The following BBS9 variants were observed in gnomAD, a reference collection of about 807,000 sequenced individuals.
BBS9 encodes protein PTHB1.
Under a neutral mutation model 117.7 loss-of-function variants are expected in BBS9, and 89 were observed. The ratio of observed to expected loss-of-function variants is 0.76; its 90% CI spans 0.64 to 0.90. The LOEUF (loss-of-function observed/expected upper bound fraction) is 0.90, where lower values mean the gene tolerates loss of function less well. BBS9 is among the 40% of genes least tolerant of loss of function. BBS9 has a pLI of 0.00. For synonymous variants in BBS9, 379 were observed against 370.9 expected (o/e 1.02, Z -0.25); for missense variants, 982 against 1,042.2 (o/e 0.94, Z 0.80).
At chr7:33,201,413 T>C (rs1562787205) in intron 5 of BBS9, among the ~76,000 whole-genome samples, 1 of 152,164 alleles carries the variant, frequency 6.6e-6, no homozygotes, top group South Asian at 2.1e-4. Context: ...AATTTTAGTA[T>C]ATGTGCTGCC....
intron 19 of BBS9, among the ~76,000 whole-genome samples, chr7:33,428,170 G>A (rs560513384): frequency 6.6e-6 from 1 of 152,272 alleles, no homozygotes; most frequent in Admixed American, 6.5e-5. Context: ...AGTCCAGACT[G>A]TCATAGAAAA....
At chr7:33,165,038 T>C (rs1342030294) in intron 4 of BBS9, among the ~76,000 whole-genome samples, 1 of 152,204 alleles carries the variant, frequency 6.6e-6, no homozygotes, top group Non-Finnish European at 1.5e-5. Context: ...TGACGAAATC[T>C]CTCAGCATTT....
chr7:33,464,734 A>C (rs953600827), intron 19 of BBS9, among the ~76,000 whole-genome samples: 5 of 151,978 alleles, frequency 3.3e-5, no homozygotes, highest in Admixed American at 2.0e-4. Context: ...TTATCAGTTA[A>C]TTTTATTATA....
chr7:33,441,571 A>T (rs563257387), intron 19 of BBS9, among the ~76,000 whole-genome samples: 68 of 152,258 alleles, frequency 4.5e-4, no homozygotes, highest in African/African-American at 1.6e-3. Flanking sequence ...TCTTTCTGAG[A>T]TCTTGAGCAT....
At chr7:33,269,726 GAAA>G (rs889472546) in intron 7 of BBS9, among the ~76,000 whole-genome samples, 2 of 110,332 alleles carry the variant, frequency 1.8e-5, no homozygotes, top group Admixed American at 9.6e-5. Context: ...ACTCCAAATG[GAAA>G]AAAAAAAAAA....
chr7:33,290,216 G>A (rs968201393), intron 9 of BBS9, among the ~76,000 whole-genome samples: 7 of 152,056 alleles, frequency 4.6e-5, no homozygotes, highest in African/African-American at 1.7e-4. Flanking sequence ...TATCTGTTAA[G>A]GTCCTATAGT....
intron 7 of BBS9, among the ~76,000 whole-genome samples, chr7:33,268,516 C>T (rs1315522563): frequency 6.6e-6 from 1 of 152,186 alleles, no homozygotes; most frequent in Non-Finnish European, 1.5e-5. Flanking sequence ...GATTGCTGTG[C>T]TTTGTTGTCT....
chr7:33,232,438 G>A (rs1469693475), intron 5 of BBS9, among the ~76,000 whole-genome samples: 2 of 152,096 alleles, frequency 1.3e-5, no homozygotes, highest in African/African-American at 4.8e-5. Context: ...TGGTTTTGGT[G>A]AACACTTAGA....
intron 21 of BBS9, among the ~76,000 whole-genome samples, chr7:33,632,426 C>T (rs191303814): frequency 2.6e-5 from 4 of 152,332 alleles, no homozygotes; most frequent in East Asian, 1.9e-4. Context: ...AAGTGAGCAC[C>T]GCCTTGGCGC....
chr7:33,301,326 G>T (rs1164552280), intron 9 of BBS9, among the ~76,000 whole-genome samples: 1 of 151,718 alleles, frequency 6.6e-6, no homozygotes, highest in Admixed American at 6.6e-5. Flanking sequence ...AATTATTTTT[G>T]AGTATCATCT....
intron 9 of BBS9, among the ~76,000 whole-genome samples, chr7:33,298,633 G>A (rs1196250943): frequency 6.6e-6 from 1 of 152,178 alleles, no homozygotes; most frequent in Non-Finnish European, 1.5e-5. Flanking sequence ...ATTTCCTGGT[G>A]AATGTTATGT....
At chr7:33,368,293 T>G (rs1166376942) in intron 17 of BBS9, among the ~76,000 whole-genome samples, 1 of 152,166 alleles carries the variant, frequency 6.6e-6, no homozygotes, top group African/African-American at 2.4e-5. Context: ...TTTTGGACAT[T>G]GGCAAAGATG....
chr7:33,412,157 T>G (rs1050093276), intron 19 of BBS9, among the ~76,000 whole-genome samples: 2 of 152,220 alleles, frequency 1.3e-5, no homozygotes, highest in African/African-American at 4.8e-5. Flanking sequence ...CCCATTTTGT[T>G]AGAAAAAAAT....
At chr7:33,451,226 C>CT (rs1837811789) in intron 19 of BBS9, among the ~76,000 whole-genome samples, 1 of 152,054 alleles carries the variant, frequency 6.6e-6, no homozygotes, top group African/African-American at 2.4e-5. Flanking sequence ...TCTACTTTTG[C>CT]TTTTGTTGCC....
rs1200569601 is a variant in BBS9 at position 33,384,153 on chromosome 7, G to A, written c.1962+315G>A. Among the ~76,000 whole-genome samples, 5 of 152,316 alleles carry A rather than the reference G, an allele frequency of 3.3e-5. No homozygotes were observed. In the East Asian group the frequency reaches 9.6e-4, roughly 29 times the overall value. On this transcript the variant is annotated intron_variant, in intron 18 of 22. Transcript: ENST00000242067. ...TTAAAACTATTTGAGCTTATCGGAG[G>A]CCATTTGGCTAACTAATTCTAGCAG...
chr7:33,585,190 G>GT (rs1474091175), intron 21 of BBS9, among the ~76,000 whole-genome samples: 1 of 152,042 alleles, frequency 6.6e-6, no homozygotes, highest in Non-Finnish European at 1.5e-5. Context: ...CAGTCTCAGG[G>GT]TCTATCTTCA....
chr7:33,517,999 C>G (rs887666342), intron 20 of BBS9, among the ~76,000 whole-genome samples: 3 of 152,086 alleles, frequency 2.0e-5, no homozygotes, highest in Non-Finnish European at 4.4e-5. Flanking sequence ...TCATATAACA[C>G]TAAAACAAAC....
At position 33,622,043 on chromosome 7, in the gene BBS9, C is replaced by T. The variant is rs1865434567; in HGVS notation, c.2522-13134C>T. Among the ~76,000 whole-genome samples, 3 of 152,026 alleles carry T rather than the reference C, an allele frequency of 2.0e-5. No homozygotes were observed. In the South Asian group the frequency reaches 6.2e-4, roughly 32 times the overall value. ...TGGCCAACATAGTGAAACACCATCTCTACTAAAAATACAAAATTTAGCTGA... is the reference window on the plus strand; with the variant it reads ...TGGCCAACATAGTGAAACACCATCTTTACTAAAAATACAAAATTTAGCTGA... On this transcript the variant is annotated intron_variant, in intron 21 of 21. Transcript: ENST00000671952.
At chr7:33,306,677 A>C (rs1163093664) in intron 9 of BBS9, among the ~76,000 whole-genome samples, 2 of 152,112 alleles carry the variant, frequency 1.3e-5, no homozygotes, top group Non-Finnish European at 2.9e-5. Flanking sequence ...GTTTTGTAAG[A>C]GTAGACGTAC....
Sources: gnomAD v4.1 joint callset for allele counts (sites outside exome capture counted in the v4.1 genomes callset) on GRCh38, gnomAD v4.1.1 for gene constraint, MANE v1.5 for transcripts, NCBI Gene and HGNC (gene_info 2026-07-23, HGNC 2026-07-21) for gene names.